The following SYCE1 variants were observed in gnomAD, a reference collection of about 807,000 sequenced individuals.
The protein encoded by SYCE1 is cancer/testis antigen 76.
A neutral mutation model predicts 55.1 loss-of-function variants in SYCE1; 37 were observed. That is an observed-to-expected ratio of 0.67 (90% confidence interval 0.52 to 0.88). The LOEUF is 0.88. SYCE1 is among the 40% of genes least tolerant of loss of function. The pLI, the probability that SYCE1 is intolerant of heterozygous loss-of-function variation, is 0.00. For synonymous variants in SYCE1, 163 were observed against 159.4 expected, an observed-to-expected ratio of 1.02 and a Z score of -0.17; for missense variants, 399 against 416.4, an observed-to-expected ratio of 0.96 and a Z score of 0.36.
Position 133,555,073 on chromosome 10 carries a change from A to T in SYCE1, c.975T>A (p.Pro325=), listed in dbSNP as rs1429800897. The T allele has an allele frequency of 8.4e-6, 13 of 1,551,314 alleles. No homozygotes were observed. In the Middle Eastern group the frequency reaches 5.1e-4, roughly 61 times the overall value. ...TGTCCTCCTGGCCTATGAGGACATC[A>T]GGCCCTGCTTGGTGTGCAGCTCCAG... The part of the protein sequence containing the change: ...ERPGAAHQAG[P]DVLIGQEDTL... Residue 325 remains proline, a synonymous_variant, in exon 13 of 13, where the codon CCT becomes CCA. Transcript: ENST00000343131.
intron 6 of SYCE1, chr10:133,557,482 T>G: frequency 2.0e-6 from 1 of 489,496 alleles, no homozygotes; most frequent in Non-Finnish European, 3.7e-6. Flanking sequence ...GGTGGAGAAA[T>G]GGATGGACAA....
At position 133,565,554 on chromosome 10, in the gene SYCE1, T is replaced by C; in HGVS notation, c.-25A>G. On this transcript the variant is annotated 5_prime_UTR_variant, in exon 1 of 13. Coordinates refer to ENST00000343131, the MANE Select transcript of SYCE1 (RefSeq NM_001143764.3). ...TTTCCTCTCAGCTCGCCAGCGAGGG[T>C]GCCTCGGGAGGGAGCCTCCAGTGGT... 2 of 1,547,344 alleles carry C rather than the reference T, an allele frequency of 1.3e-6. No individual in the cohort carries two copies. Among genetic ancestry groups the C allele is most frequent in the Middle Eastern group, 3.3e-4 (2 of 5,982 alleles).
intron 1 of SYCE1, among the ~76,000 whole-genome samples, chr10:133,562,724 G>A (rs1240134030): frequency 6.6e-6 from 1 of 152,100 alleles, no homozygotes; most frequent in Non-Finnish European, 1.5e-5. Flanking sequence ...TTTTTTTAAT[G>A]TTTTTTAAGT....
In SYCE1 at chr10:133,556,684, GGAA is replaced by G. The variant is rs1220420269; in HGVS notation, c.528+72_528+74del. The G allele has an allele frequency of 1.6e-5, 23 of 1,472,032 alleles. No individual in the cohort carries two copies. In the East Asian group the frequency reaches 5.4e-4, roughly 35 times the overall value. 91.2% of individuals were successfully genotyped at this position (1,472,032 alleles called of 1,614,324 possible). A position where few individuals can be genotyped will look rare whatever the true frequency, so the allele number is the denominator to read the frequency against. ...TGGCGACTGGTTGTGGCAGGTGAGAGGAAGAAGTGACCGTTTGGGCCTGGTGCT... is the reference window on the plus strand; with the variant it reads ...TGGCGACTGGTTGTGGCAGGTGAGAGGAAGTGACCGTTTGGGCCTGGTGCT... On this transcript the variant is annotated intron_variant, in intron 8 of 12. Transcript: ENST00000343131.
downstream of SYCE1, chr10:133,554,356 T>G (rs116965019): frequency 5.6e-6 from 9 of 1,610,564 alleles, no homozygotes; most frequent in East Asian, 2.0e-4. Context: ...CGCTTTGTCA[T>G]TACTTCAATG....
chr10:133,558,665 C>T (rs1282134862), intron 4 of SYCE1: 7 of 568,164 alleles, frequency 1.2e-5, no homozygotes, highest in East Asian at 3.0e-5. Flanking sequence ...GCACAGACAG[C>T]GTCTGGCAAA....
chr10:133,554,399 C>A, downstream of SYCE1: 1 of 1,409,080 alleles, frequency 7.1e-7, no homozygotes, highest in Non-Finnish European at 1.0e-6. Context: ...ACTTTGACTC[C>A]CACCATTGGT....
chr10:133,568,070 G>A (rs148528483), upstream of SYCE1: 17,694 of 663,162 alleles, frequency 0.027, 338 homozygotes, highest in Non-Finnish European at 0.036. Context: ...GGGGCCAGAT[G>A]TGGTCACCGA....
At chr10:133,558,288 A>G in intron 4 of SYCE1, 74 bp from the exon 5 acceptor site, 4 of 1,548,490 alleles carry the variant, frequency 2.6e-6, no homozygotes, top group Non-Finnish European at 3.6e-6. Flanking sequence ...GCTCACGGTC[A>G]CATGGGAAGC....
At chr10:133,567,433 G>C (rs544121710), upstream of SYCE1, among the ~76,000 whole-genome samples, 2 of 149,550 alleles carry the variant, frequency 1.3e-5, no homozygotes, top group East Asian at 4.2e-4. Context: ...GTCAGCGTTA[G>C]GGTCAGGGGT....
rs1034753989 is a variant in SYCE1, at chr10:133,554,955, G to A, written c.*37C>T. The A allele has an allele frequency of 9.3e-6, 14 of 1,502,350 alleles. No homozygotes were observed. The highest frequency in any genetic ancestry group is 4.6e-5 in the Admixed American group (2 of 43,792). 93.1% of individuals were successfully genotyped at this position (1,502,350 alleles called of 1,614,324 possible). Reference sequence around the variant, plus strand: ...AGTCACAGGAGACTGGGGATCTTGGGCCTGACCCCTACTCCTCACCAGTAG... The same window carrying A: ...AGTCACAGGAGACTGGGGATCTTGGACCTGACCCCTACTCCTCACCAGTAG... On this transcript the variant is annotated 3_prime_UTR_variant, in exon 13 of 13. Transcript: ENST00000343131.
At chr10:133,563,847 A>G (rs1851868183) in intron 1 of SYCE1, among the ~76,000 whole-genome samples, 1 of 152,190 alleles carries the variant, frequency 6.6e-6, no homozygotes, top group African/African-American at 2.4e-5. Context: ...CATGTGTGAA[A>G]AAGTATGAAG....
rs559454394 is a variant in SYCE1 at position 133,555,567 on chromosome 10, G to A, written c.830+30C>T. The A allele has an allele frequency of 2.5e-6, 4 of 1,602,062 alleles. No homozygotes were observed. In the African/African-American group the frequency reaches 4.0e-5, roughly 16 times the overall value. The stretch of plus-strand genomic sequence containing the variant: ...ACAACATCAGTCATCTTCCTGGTGG[G>A]GGTTGCGGGGACAGGGCCTCCACAC... On this transcript the variant is annotated intron_variant, in intron 11 of 12. Transcript: ENST00000343131.
In SYCE1 at chr10:133,558,939, G is replaced by C; in HGVS notation, c.209C>G (p.Ala70Gly). 6.2e-7 allele frequency: 1 copy of C among 1,611,062 alleles called. No individual in the cohort carries two copies. Among genetic ancestry groups the C allele is most frequent in the Non-Finnish European group, 8.5e-7 (1 of 1,179,372 alleles). The change falls in exon 4 of 13, where the codon GCC (alanine) becomes GGC (glycine). Residue 70 changes from alanine (A) to glycine (G), a missense_variant. Transcript: ENST00000343131. ...CCGGGCCTCTCCTAGGTCTTTATTG[G>C]CTTTCTTTTTTGCTTCACCAAAGAG... ...INEVQQAKKK[A>G]NKDLGEARTI...
upstream of SYCE1, chr10:133,565,717 C>G (rs963181531): frequency 3.5e-6 from 2 of 577,432 alleles, no homozygotes; most frequent in African/African-American, 3.9e-5. Flanking sequence ...GGCGCGAGGG[C>G]TACAAACGCG....
At chr10:133,560,197 AG>A (rs779700790) in intron 1 of SYCE1, 44 bp from the exon 2 acceptor site, 34 of 1,582,638 alleles carry the variant, frequency 2.1e-5, no homozygotes, top group Non-Finnish European at 2.9e-5. Flanking sequence ...GCAGGGCGAG[AG>A]GCCACCCCTG....
Position 133,555,335 on chromosome 10 carries a change from C to T in SYCE1, c.918+16G>A. 1.2e-6 allele frequency: 2 copies of T among 1,613,772 alleles called. No homozygotes were observed. The highest frequency in any genetic ancestry group is 1.7e-6 in the Non-Finnish European group (2 of 1,179,832). On this transcript the variant is annotated intron_variant, in intron 12 of 12. Transcript: ENST00000343131. Reference sequence around the variant, plus strand: ...GTAGCTGTTTCTGTTCCCTGACGCCCACTTCTGGGGCTTACCACATCTCCT... The same window carrying T: ...GTAGCTGTTTCTGTTCCCTGACGCCTACTTCTGGGGCTTACCACATCTCCT...
At chr10:133,566,211 C>T (rs557099961), upstream of SYCE1, among the ~76,000 whole-genome samples, 3 of 152,302 alleles carry the variant, frequency 2.0e-5, no homozygotes, top group Admixed American at 2.0e-4. Context: ...GGAGCAGAGG[C>T]TTTCGGGAGA....
chr10:133,564,330 CTG>C (rs1340750981), intron 1 of SYCE1: 4 of 953,302 alleles, frequency 4.2e-6, no homozygotes. Context: ...GCCTCGAAAA[CTG>C]TGAGAAATAA....
Sources: gnomAD v4.1 joint callset for allele counts (sites outside exome capture counted in the v4.1 genomes callset) on GRCh38, gnomAD v4.1.1 for gene constraint, MANE v1.5 for transcripts, NCBI Gene and HGNC (gene_info 2026-07-23, HGNC 2026-07-21) for gene names.